LARGE1: variants seen among roughly 807,000 people sequenced by gnomAD.
LARGE1 encodes the protein LARGE xylosyl- and glucuronyltransferase 1.
Under a neutral mutation model 87.6 loss-of-function variants are expected in LARGE1, and 43 were observed. The ratio of observed to expected loss-of-function variants is 0.49; its 90% CI spans 0.38 to 0.63. LARGE1 has a LOEUF of 0.63. LARGE1 is among the 30% of genes least tolerant of loss of function. The pLI, the probability that LARGE1 is intolerant of heterozygous loss-of-function variation, is 0.00. For synonymous variants in LARGE1, 434 were observed against 394.6 expected (o/e 1.10, Z -1.18); for missense variants, 802 against 1,000.2 (o/e 0.80, Z 2.67).
intron 6 of LARGE1, among the ~76,000 whole-genome samples, chr22:33,463,739 C>A (rs1300148852): frequency 6.6e-6 from 1 of 152,114 alleles, no homozygotes; most frequent in African/African-American, 2.4e-5. Context: ...GTGGCGCAAC[C>A]TCGGCTCACC....
chr22:33,429,482 T>C (rs149318287), intron 7 of LARGE1, among the ~76,000 whole-genome samples: 1 of 152,074 alleles, frequency 6.6e-6, no homozygotes, highest in African/African-American at 2.4e-5. Context: ...CTATAGCAAA[T>C]AGGGAAGGGC....
At chr22:33,369,788 C>T (rs1413348799) in intron 9 of LARGE1, among the ~76,000 whole-genome samples, 1 of 152,052 alleles carries the variant, frequency 6.6e-6, no homozygotes, top group African/African-American at 2.4e-5. Context: ...AAGCTGGTCT[C>T]GAATTCCTGA....
chr22:33,204,187 G>C (rs1924569561), intron 11 of LARGE1, among the ~76,000 whole-genome samples: 1 of 152,090 alleles, frequency 6.6e-6, no homozygotes, highest in Non-Finnish European at 1.5e-5. Flanking sequence ...GAGAGAAGAA[G>C]TACCCGAATT....
At chr22:33,278,911 G>T (rs1929889056) in intron 13 of LARGE1, among the ~76,000 whole-genome samples, 1 of 151,970 alleles carries the variant, frequency 6.6e-6, no homozygotes. Flanking sequence ...GTAGACACGG[G>T]GTTTCACCAT....
intron 1 of LARGE1, among the ~76,000 whole-genome samples, chr22:33,770,557 T>C (rs908343745): frequency 1.3e-5 from 2 of 152,102 alleles, no homozygotes; most frequent in Non-Finnish European, 2.9e-5. Flanking sequence ...TGGTGGCATC[T>C]GCCTGTAGTC....
At chr22:33,502,204 A>G (rs1028447190) in intron 6 of LARGE1, among the ~76,000 whole-genome samples, 1 of 151,874 alleles carries the variant, frequency 6.6e-6, no homozygotes, top group African/African-American at 2.4e-5. Context: ...TTAAAAAAAA[A>G]AAAAAAACTG....
At chr22:33,311,596 TGA>T (rs1935597879) in intron 11 of LARGE1, among the ~76,000 whole-genome samples, 1 of 152,256 alleles carries the variant, frequency 6.6e-6, no homozygotes, top group Non-Finnish European at 1.5e-5. Context: ...ATCTCGTAGA[TGA>T]GTCAAGTGAG....
intron 11 of LARGE1, among the ~76,000 whole-genome samples, chr22:33,198,259 C>T (rs1924179637): frequency 6.6e-6 from 1 of 152,030 alleles, no homozygotes; most frequent in Admixed American, 6.6e-5. Context: ...GATTAAGAGT[C>T]TTTGCTCTTT....
chr22:33,873,833 T>C (rs879944167), intron 1 of LARGE1, among the ~76,000 whole-genome samples: 4 of 151,906 alleles, frequency 2.6e-5, no homozygotes, highest in Non-Finnish European at 5.9e-5. Context: ...CCTCACTCCA[T>C]GTCACAAGAA....
intron 6 of LARGE1, among the ~76,000 whole-genome samples, chr22:33,494,964 G>T (rs1461600683): frequency 1.3e-5 from 2 of 152,146 alleles, no homozygotes; most frequent in Non-Finnish European, 2.9e-5. Context: ...GGCTCAAGGG[G>T]AGAGCCACAC....
intron 11 of LARGE1, among the ~76,000 whole-genome samples, chr22:33,204,006 G>C (rs996215815): frequency 6.6e-6 from 1 of 152,172 alleles, no homozygotes; most frequent in Non-Finnish European, 1.5e-5. Context: ...TGTCCCCAAG[G>C]CTTAGCAGAT....
At chr22:33,071,980 C>T in the LARGE1 span, among the ~76,000 whole-genome samples, 1 of 149,944 alleles carries the variant, frequency 6.7e-6, no homozygotes, top group Non-Finnish European at 1.5e-5. Context: ...TTGTTTTGAT[C>T]CCCTAAATGC....
At chr22:33,849,534 A>T (rs2063523882) in intron 1 of LARGE1, among the ~76,000 whole-genome samples, 1 of 151,596 alleles carries the variant, frequency 6.6e-6, no homozygotes, top group Non-Finnish European at 1.5e-5. Flanking sequence ...TGGGTACTAG[A>T]CACCAGGCTA....
chr22:33,316,306 A>T (rs1936158366), intron 10 of LARGE1, 58 bp from the exon 11 acceptor site: 1 of 1,575,086 alleles, frequency 6.3e-7, no homozygotes, highest in Non-Finnish European at 8.6e-7. Flanking sequence ...GGGGCCCATG[A>T]GCTTGCCCCT....
At chr22:33,642,329 T>C (rs2080459858) in intron 3 of LARGE1, among the ~76,000 whole-genome samples, 2 of 151,920 alleles carry the variant, frequency 1.3e-5, no homozygotes, top group African/African-American at 4.8e-5. Flanking sequence ...GACAAGCAAA[T>C]CCTCCTGAAG....
At chr22:33,438,908 G>A (rs1184988738) in intron 6 of LARGE1, among the ~76,000 whole-genome samples, 1 of 152,070 alleles carries the variant, frequency 6.6e-6, no homozygotes, top group Admixed American at 6.6e-5. Context: ...TGGATATTGA[G>A]ATCAGATTAA....
intron 10 of LARGE1, among the ~76,000 whole-genome samples, chr22:33,335,921 G>A (rs1457566254): frequency 6.6e-6 from 1 of 152,192 alleles, no homozygotes; most frequent in African/African-American, 2.4e-5. Context: ...TGCGAGTTTA[G>A]TTATTAACTG....
intron 6 of LARGE1, among the ~76,000 whole-genome samples, chr22:33,516,327 A>C (rs532054902): frequency 1.3e-5 from 2 of 152,172 alleles, no homozygotes; most frequent in African/African-American, 4.8e-5. Flanking sequence ...ATGTGGGGAG[A>C]GGCCCACATC....
At chr22:33,485,854 T>C (rs1047817306) in intron 6 of LARGE1, among the ~76,000 whole-genome samples, 6 of 152,172 alleles carry the variant, frequency 3.9e-5, no homozygotes, top group African/African-American at 1.2e-4. Flanking sequence ...CCATCTGACA[T>C]ACTATATATA....
Sources: allele counts gnomAD v4.1 joint callset (sites outside exome capture counted in the v4.1 genomes callset), GRCh38; gene constraint gnomAD v4.1.1; transcripts MANE v1.5; gene names NCBI Gene and HGNC (gene_info 2026-07-23, HGNC 2026-07-21).